EEFSEC: variants seen among roughly 807,000 people sequenced by gnomAD.
EEFSEC encodes selenocysteine-specific elongation factor.
Under a neutral mutation model 42.1 loss-of-function variants are expected in EEFSEC, and 43 were observed. The ratio of observed to expected loss-of-function variants is 1.02; its 90% confidence interval spans 0.80 to 1.32. EEFSEC has a LOEUF of 1.32. Ranked by LOEUF, EEFSEC falls within the 40% of genes most tolerant of loss-of-function variation. The pLI, the probability that EEFSEC is intolerant of heterozygous loss-of-function variation, is 0.00. For synonymous variants in EEFSEC, 354 were observed against 339.1 expected (o/e 1.04, Z -0.48); for missense variants, 745 against 803.6 (o/e 0.93, Z 0.88).
intron 4 of EEFSEC, among the ~76,000 whole-genome samples, chr3:128,273,291 G>A (rs560344494): frequency 6.6e-6 from 1 of 152,272 alleles, no homozygotes; most frequent in East Asian, 1.9e-4. Context: ...ATATCCTGTT[G>A]TCTCCCTAAG....
chr3:128,420,581 C>T, the EEFSEC span, among the ~76,000 whole-genome samples: 4 of 152,226 alleles, frequency 2.6e-5, no homozygotes, highest in Non-Finnish European at 5.9e-5. Flanking sequence ...GCCTCTACCA[C>T]CTTTGACGAG....
intron 1 of EEFSEC, among the ~76,000 whole-genome samples, chr3:128,200,141 C>T (rs1341565538): frequency 1.3e-5 from 2 of 152,208 alleles, no homozygotes; most frequent in South Asian, 2.1e-4. Context: ...CCATCATACA[C>T]ACCTGGGCTT....
At chr3:128,308,351 C>T (rs2066854450) in intron 4 of EEFSEC, among the ~76,000 whole-genome samples, 1 of 152,190 alleles carries the variant, frequency 6.6e-6, no homozygotes, top group Admixed American at 6.5e-5. Flanking sequence ...TTGGATGTGT[C>T]AGGGGAGGGG....
chr3:128,224,895 G>A (rs1309674856), intron 1 of EEFSEC, among the ~76,000 whole-genome samples: 2 of 152,320 alleles, frequency 1.3e-5, no homozygotes, highest in East Asian at 1.9e-4. Context: ...TGAGGAGCCC[G>A]AGGCTCAGAG....
intron 4 of EEFSEC, among the ~76,000 whole-genome samples, chr3:128,329,995 A>T (rs960913907): frequency 6.6e-6 from 1 of 152,218 alleles, no homozygotes; most frequent in African/African-American, 2.4e-5. Flanking sequence ...CTCAGCCCTG[A>T]AAACAGAGCT....
intron 5 of EEFSEC, among the ~76,000 whole-genome samples, chr3:128,351,639 C>A: frequency 6.6e-6 from 1 of 152,212 alleles, no homozygotes; most frequent in Non-Finnish European, 1.5e-5. Context: ...CAAGCCTCAT[C>A]ATGGGAGCCA....
the EEFSEC span, among the ~76,000 whole-genome samples, chr3:128,414,919 A>G: frequency 6.6e-6 from 1 of 152,102 alleles, no homozygotes; most frequent in Non-Finnish European, 1.5e-5. Context: ...GATGATCCCA[A>G]AGCTACATCA....
the EEFSEC span, among the ~76,000 whole-genome samples, chr3:128,421,596 TC>T: frequency 6.6e-5 from 10 of 152,308 alleles, no homozygotes; most frequent in African/African-American, 2.4e-4. Context: ...CCATTCAGCC[TC>T]TTGTGCCGAC....
chr3:128,354,371 C>A (rs2067426679), intron 5 of EEFSEC, among the ~76,000 whole-genome samples: 1 of 152,154 alleles, frequency 6.6e-6, no homozygotes, highest in African/African-American at 2.4e-5. Flanking sequence ...CAGAGGCCCT[C>A]CTCAGAAGGT....
At chr3:128,241,009 G>C (rs1478465848) in intron 1 of EEFSEC, among the ~76,000 whole-genome samples, 1 of 152,170 alleles carries the variant, frequency 6.6e-6, no homozygotes, top group Non-Finnish European at 1.5e-5. Context: ...TGCCCGTTTT[G>C]TCCTGGAACA....
At chr3:128,195,110 C>T (rs907503323) in intron 1 of EEFSEC, among the ~76,000 whole-genome samples, 2 of 152,120 alleles carry the variant, frequency 1.3e-5, no homozygotes, top group East Asian at 1.9e-4. Context: ...ATATTTTACA[C>T]GATCTTCGCC....
chr3:128,361,891 C>G (rs907859905), intron 6 of EEFSEC, among the ~76,000 whole-genome samples: 8 of 152,130 alleles, frequency 5.3e-5, no homozygotes, highest in African/African-American at 1.9e-4. Context: ...GAGGAGGTTC[C>G]TGTCCAAGTC....
chr3:128,303,299 A>C (rs1346496391), intron 4 of EEFSEC, among the ~76,000 whole-genome samples: 3 of 152,082 alleles, frequency 2.0e-5, no homozygotes, highest in Non-Finnish European at 2.9e-5. Context: ...ATATTGCCTA[A>C]TTTCCCTCCA....
chr3:128,315,556 C>T (rs2066935978), intron 4 of EEFSEC, among the ~76,000 whole-genome samples: 1 of 152,210 alleles, frequency 6.6e-6, no homozygotes, highest in South Asian at 2.1e-4. Flanking sequence ...TGCCAGAAGC[C>T]AGGGCCTGAG....
rs890034503 is a variant in EEFSEC, at chr3:128,180,654, T to A, written c.316+26831T>A. On this transcript the variant is annotated intron_variant, in intron 1 of 6. Transcript: ENST00000254730. ...CATTGAGTTGCAGCTTCCTCTGCCC[T>A]TGACTCAGTGCAAGAGACTCCAGGC... 2.0e-5 allele frequency among the ~76,000 whole-genome samples: 3 copies of A among 152,238 alleles called. 1 individual carries two copies. Among genetic ancestry groups the A allele is most frequent in the Non-Finnish European group, 4.4e-5 (3 of 68,044 alleles).
At chr3:128,302,772 A>G (rs1378077143) in intron 4 of EEFSEC, among the ~76,000 whole-genome samples, 1 of 152,224 alleles carries the variant, frequency 6.6e-6, no homozygotes, top group Non-Finnish European at 1.5e-5. Context: ...AAACAATTTT[A>G]TGCATATACT....
chr3:128,341,827 G>T lies in EEFSEC; in HGVS notation c.1381G>T (p.Asp461Tyr), dbSNP rs532148321. Residue 461 changes from aspartate (D) to tyrosine (Y), a missense_variant, in exon 5 of 7, where the codon GAC becomes TAC. Coordinates refer to ENST00000254730, the MANE Select transcript of EEFSEC (RefSeq NM_021937.5). ...CGGGCTAGAGGACAGGAACTACGCCGACAGCTTCCTGCCCAGGCTGAAGGT... is the reference window on the plus strand; with the variant it reads ...CGGGCTAGAGGACAGGAACTACGCCTACAGCTTCCTGCCCAGGCTGAAGGT... Reference protein sequence around the residue: ...LHGLEDRNYADSFLPRLKVYK... With the variant: ...LHGLEDRNYAYSFLPRLKVYK... 20 of 1,613,990 alleles carry T rather than the reference G, an allele frequency of 1.2e-5. No individual in the cohort carries two copies. In the South Asian group the frequency reaches 1.6e-4, roughly 13 times the overall value.
chr3:128,182,312 CA>C (rs34027926), intron 1 of EEFSEC, among the ~76,000 whole-genome samples: 25,604 of 108,828 alleles, frequency 0.24, 2,585 homozygotes, highest in African/African-American at 0.39. Context: ...AGTAACTATC[CA>C]AAAAAAAAAA....
Position 128,211,953 on chromosome 3 carries a change from G to A in EEFSEC, c.317-34883G>A, listed in dbSNP as rs1339563887. Among the ~76,000 whole-genome samples, 4 of 133,366 alleles carry A rather than the reference G, an allele frequency of 3.0e-5. 1 individual carries two copies. The highest frequency in any genetic ancestry group is 5.1e-4 in the South Asian group (2 of 3,936). The allele number at this position is 133,366 out of a possible 152,430, so 87.5% of individuals were successfully genotyped here. A position where few individuals can be genotyped will look rare whatever the true frequency, so the allele number is the denominator to read the frequency against. Reference sequence around the variant, plus strand: ...TGGCTCACTGTAAGCTCCGCCTCCCGGGTTCATGCCATTCTCCTGCCTCAG... The same window carrying A: ...TGGCTCACTGTAAGCTCCGCCTCCCAGGTTCATGCCATTCTCCTGCCTCAG... On this transcript the variant is annotated intron_variant, in intron 1 of 6. Coordinates refer to ENST00000254730, the MANE Select transcript of EEFSEC (RefSeq NM_021937.5).
Sources: gnomAD v4.1 joint callset for allele counts (sites outside exome capture counted in the v4.1 genomes callset) on GRCh38, gnomAD v4.1.1 for gene constraint, MANE v1.5 for transcripts, NCBI Gene and HGNC (gene_info 2026-07-23, HGNC 2026-07-21) for gene names.